The following SGCZ variants were observed in gnomAD, a reference collection of about 807,000 sequenced individuals.
SGCZ encodes the protein sarcoglycan zeta, also known as zeta-sarcoglycan.
A neutral mutation model predicts 41.3 loss-of-function variants in SGCZ; 40 were observed. That is an observed-to-expected ratio of 0.97 (90% CI 0.75 to 1.26). The LOEUF is 1.26. SGCZ is among the 50% of genes most tolerant of loss of function. SGCZ has a pLI of 0.00. For missense variants in SGCZ, 552 were observed against 369.8 expected (o/e 1.49, Z -4.04); for synonymous variants, 206 against 137.5 (o/e 1.50, Z -3.49).
At chr8:14,709,794 AT>A (rs1809454883) in intron 1 of SGCZ, among the ~76,000 whole-genome samples, 1 of 152,222 alleles carries the variant, frequency 6.6e-6, no homozygotes, top group African/African-American at 2.4e-5. Flanking sequence ...CTATATTTAA[AT>A]GTAACTAACA....
At chr8:14,747,715 G>GTGTC (rs1799379052) in intron 1 of SGCZ, among the ~76,000 whole-genome samples, 1 of 141,850 alleles carries the variant, frequency 7.0e-6, no homozygotes, top group Non-Finnish European at 1.5e-5. Flanking sequence ...TTGTGTGTGT[G>GTGTC]TGTGTGTGTG....
At chr8:14,180,226 GC>G (rs1291164520) in intron 4 of SGCZ, among the ~76,000 whole-genome samples, 1 of 152,090 alleles carries the variant, frequency 6.6e-6, no homozygotes, top group African/African-American at 2.4e-5. Flanking sequence ...CGAGTTGAAG[GC>G]CTCCTAGCCA....
chr8:15,209,997 T>C (rs1585677200), intron 1 of SGCZ, among the ~76,000 whole-genome samples: 1 of 152,144 alleles, frequency 6.6e-6, no homozygotes, highest in African/African-American at 2.4e-5. Flanking sequence ...TAAAAAATCA[T>C]TTCTCTTCTT....
intron 2 of SGCZ, among the ~76,000 whole-genome samples, chr8:14,497,751 C>T (rs1802034267): frequency 6.6e-6 from 1 of 152,092 alleles, no homozygotes; most frequent in Admixed American, 6.6e-5. Context: ...CTAATACCTC[C>T]CACTGGGTCC....
At chr8:14,097,564 G>A (rs965733433) in intron 7 of SGCZ, among the ~76,000 whole-genome samples, 4 of 152,192 alleles carry the variant, frequency 2.6e-5, no homozygotes. Flanking sequence ...TGTATAGTCT[G>A]TTGATTTGGG....
At chr8:14,450,892 C>G (rs1320355651) in intron 2 of SGCZ, among the ~76,000 whole-genome samples, 2 of 152,052 alleles carry the variant, frequency 1.3e-5, no homozygotes, top group African/African-American at 4.8e-5. Context: ...TATTTCAAAT[C>G]CCTCTAGCAA....
At chr8:14,886,031 A>G (rs1563339236) in intron 1 of SGCZ, among the ~76,000 whole-genome samples, 1 of 105,216 alleles carries the variant, frequency 9.5e-6, no homozygotes, top group Non-Finnish European at 2.0e-5. Flanking sequence ...ATATATATAT[A>G]TATAAAATTG....
At chr8:15,101,703 G>A (rs1806621232) in intron 1 of SGCZ, among the ~76,000 whole-genome samples, 2 of 152,150 alleles carry the variant, frequency 1.3e-5, no homozygotes, top group African/African-American at 4.8e-5. Context: ...GGATGAGGCA[G>A]GCAGATACTT....
At chr8:14,179,553 T>A (rs963595566) in intron 4 of SGCZ, among the ~76,000 whole-genome samples, 1 of 152,148 alleles carries the variant, frequency 6.6e-6, no homozygotes, top group Admixed American at 6.5e-5. Context: ...TTTCACTATA[T>A]TAATGATAAC....
At chr8:14,813,851 A>G (rs1801811061) in intron 1 of SGCZ, among the ~76,000 whole-genome samples, 1 of 152,030 alleles carries the variant, frequency 6.6e-6, no homozygotes, top group African/African-American at 2.4e-5. Context: ...TATACAAGAC[A>G]CTAAGGCAGA....
chr8:14,632,548 G>C (rs937623517), intron 1 of SGCZ, among the ~76,000 whole-genome samples: 1 of 152,000 alleles, frequency 6.6e-6, no homozygotes, highest in African/African-American at 2.4e-5. Context: ...TACATTGATA[G>C]ATAGCACTAA....
At chr8:15,142,905 C>A (rs1798932259) in intron 1 of SGCZ, among the ~76,000 whole-genome samples, 1 of 152,086 alleles carries the variant, frequency 6.6e-6, no homozygotes. Context: ...CCACCGTGCC[C>A]AGCCAAAAAT....
chr8:14,424,633 G>A (rs200457669), intron 2 of SGCZ, among the ~76,000 whole-genome samples: 31 of 63,512 alleles, frequency 4.9e-4, no homozygotes, highest in Non-Finnish European at 7.0e-4. Flanking sequence ...TCATTTTTAC[G>A]TCAGTGCATA....
At chr8:15,049,183 A>C (rs1465024384) in intron 1 of SGCZ, among the ~76,000 whole-genome samples, 1 of 152,176 alleles carries the variant, frequency 6.6e-6, no homozygotes, top group Non-Finnish European at 1.5e-5. Context: ...TGGAAGGAGA[A>C]TAGGTAAGTG....
At chr8:15,223,585 T>C (rs906799266) in intron 1 of SGCZ, among the ~76,000 whole-genome samples, 7 of 152,194 alleles carry the variant, frequency 4.6e-5, no homozygotes, top group African/African-American at 1.7e-4. Flanking sequence ...TTCCACCAAT[T>C]TAAAATTCTG....
chr8:15,168,270 C>A (rs1389708025), intron 1 of SGCZ, among the ~76,000 whole-genome samples: 1 of 152,184 alleles, frequency 6.6e-6, no homozygotes, highest in Admixed American at 6.5e-5. Context: ...TTAAAAGGCA[C>A]AGCGCAGGTG....
At chr8:15,036,355 T>G (rs1466322414) in intron 1 of SGCZ, among the ~76,000 whole-genome samples, 1 of 151,964 alleles carries the variant, frequency 6.6e-6, no homozygotes, top group African/African-American at 2.4e-5. Flanking sequence ...TGTCTCTCAT[T>G]GAACACATGG....
intron 2 of SGCZ, among the ~76,000 whole-genome samples, chr8:14,424,448 G>A (rs2117315483): frequency 6.6e-6 from 1 of 152,254 alleles, no homozygotes; most frequent in African/African-American, 2.4e-5. Flanking sequence ...ATCAAAAGAA[G>A]TGGATCTTCT....
chr8:14,856,958 G>C (rs1258816719), intron 1 of SGCZ, among the ~76,000 whole-genome samples: 1 of 152,116 alleles, frequency 6.6e-6, no homozygotes, highest in Non-Finnish European at 1.5e-5. Context: ...CCGTGTCTCT[G>C]CCCAAATCTG....
Sources: allele counts gnomAD v4.1 joint callset (sites outside exome capture counted in the v4.1 genomes callset), GRCh38; gene constraint gnomAD v4.1.1; transcripts MANE v1.5; gene names NCBI Gene and HGNC (gene_info 2026-07-23, HGNC 2026-07-21).